Variants in GSDMD observed in about 807,000 individuals in gnomAD.
GSDMD encodes the protein gasdermin-D.
In GSDMD, 46 loss-of-function variants were observed where a neutral mutation model predicts 46.7. The observed-to-expected ratio is 0.99, with a 90% CI of 0.78 to 1.26. The LOEUF is 1.26. Among genes scored for constraint, GSDMD ranks in the 50% most tolerant of loss-of-function variants. The pLI, the probability that GSDMD is intolerant of heterozygous loss-of-function variation, is 0.00. For synonymous variants in GSDMD, 307 were observed against 283.1 expected (o/e 1.08, Z -0.85); for missense variants, 649 against 638.8 (o/e 1.02, Z -0.17).
chr8:143,561,415 C>T lies in GSDMD; in HGVS notation c.728C>T (p.Pro243Leu), dbSNP rs760041290. Reference sequence around the variant, plus strand: ...AAGAAGCAGAGGACCTTCCAGCCACCCGCGACAGGTGAGAGCCGAGAGCCC... The same window carrying T: ...AAGAAGCAGAGGACCTTCCAGCCACTCGCGACAGGTGAGAGCCGAGAGCCC... ...PDKKQRTFQPPATGHKRSTSE... is the reference protein window; with the variant it reads ...PDKKQRTFQPLATGHKRSTSE... Residue 243 changes from proline to leucine, a missense_variant, in exon 6 of 11, where the codon CCC becomes CTC. By Grantham distance (98) the Pro-to-Leu change is moderately conservative. Transcript: ENST00000262580. 4.3e-6 allele frequency: 7 copies of T among 1,611,164 alleles called. No homozygotes were observed. The South Asian group carries it at 7.7e-5, about 18-fold the overall frequency.
Position 143,560,692 on chromosome 8 carries a change from A to C in GSDMD, c.500A>C (p.Gln167Pro). The change falls in exon 4 of 11, where the codon CAG (glutamine) becomes CCG (proline). Residue 167 changes from glutamine (Q) to proline (P), a missense_variant. Coordinates refer to ENST00000262580, the MANE Select transcript of GSDMD (RefSeq NM_024736.7). ...GTGGTGACTGAGGTGCTGCAGACACAGAAGGAGGTGGAAGTCACGCGCACC... is the reference window on the plus strand; with the variant it reads ...GTGGTGACTGAGGTGCTGCAGACACCGAAGGAGGTGGAAGTCACGCGCACC... The part of the protein sequence containing the change: ...VYVVTEVLQT[Q>P]KEVEVTRTHK... 6.3e-7 allele frequency: 1 copy of C among 1,585,478 alleles called. No homozygotes were observed. The highest frequency in any genetic ancestry group is 8.6e-7 in the Non-Finnish European group (1 of 1,166,002).
upstream of GSDMD, among the ~76,000 whole-genome samples, chr8:143,557,138 A>AGTCTGTGTCGCCC (rs1275726859): frequency 6.6e-6 from 1 of 152,224 alleles, no homozygotes; most frequent in Non-Finnish European, 1.5e-5. Flanking sequence ...GATGTCTCCA[A>AGTCTGTGTCGCCC]GTCTGTGTCG....
Position 143,561,060 on chromosome 8 carries a change from C to T in GSDMD, c.638C>T (p.Thr213Ile), listed in dbSNP as rs764022893. Reference sequence around the variant, plus strand: ...ACGGTCACCATCCCCTCAGGCAGCACCCTCGCATTCCGGGTGGCCCAGCTG... The same window carrying T: ...ACGGTCACCATCCCCTCAGGCAGCATCCTCGCATTCCGGGTGGCCCAGCTG... ...KKTVTIPSGS[T>I]LAFRVAQLVI... is the part of the protein sequence containing the mutation. Residue 213 changes from threonine to isoleucine, a missense_variant, in exon 5 of 11, where the codon ACC becomes ATC. By Grantham distance (89) the Thr-to-Ile change is moderately conservative (BLOSUM62 -1). Transcript: ENST00000262580. The T allele has an allele frequency of 6.2e-7, 1 of 1,613,222 alleles. No homozygotes were observed. The highest frequency in any genetic ancestry group is 8.5e-7 in the Non-Finnish European group (1 of 1,179,980).
chr8:143,559,564 G>A lies in GSDMD; in HGVS notation c.217+12G>A. The A allele has an allele frequency of 1.2e-6, 2 of 1,609,590 alleles. No homozygotes were observed. Among genetic ancestry groups the A allele is most frequent in the South Asian group, 1.1e-5 (1 of 90,780 alleles). The stretch of plus-strand genomic sequence containing the variant: ...TGCCGCGGAACCAGGTGCCTGATGT[G>A]GTGCTGAGGCAGAGCCCCAGGGAGG... On this transcript the variant is annotated intron_variant, in intron 2 of 10. Coordinates refer to ENST00000262580, the MANE Select transcript of GSDMD (RefSeq NM_024736.7).
rs568540349 is a variant in GSDMD, at chr8:143,561,815, C to G, written c.810C>G (p.His270Gln). Residue 270 changes from histidine to glutamine, a missense_variant, in exon 7 of 11, where the codon CAC becomes CAG. By Grantham distance (24) the His-to-Gln change is conservative. Transcript: ENST00000262580. ...GCCTCTCCATGATGAGGTGCCTCCA[C>G]AACTTCCTGACAGGTCAGTGCCCTC... The part of the protein sequence containing the change: ...PSGLSMMRCL[H>Q]NFLTDGVPAE... The G allele has an allele frequency of 6.2e-7, 1 of 1,610,958 alleles. No homozygotes were observed. Among genetic ancestry groups the G allele is most frequent in the East Asian group, 2.2e-5 (1 of 44,756 alleles).
intron 10 of GSDMD, 60 bp from the exon 11 acceptor site, chr8:143,562,602 T>C: frequency 6.3e-7 from 1 of 1,596,682 alleles, no homozygotes; most frequent in Non-Finnish European, 8.5e-7. Flanking sequence ...AGGGGTGGTA[T>C]GGGCAGGCAC....
intron 6 of GSDMD, 48 bp downstream of exon 6, chr8:143,561,471 A>G (rs1410392422): frequency 6.4e-7 from 1 of 1,570,328 alleles, no homozygotes; most frequent in Middle Eastern, 1.7e-4. Flanking sequence ...GGAAAAGCAC[A>G]CTCCCTGGGC....
upstream of GSDMD, chr8:143,558,317 G>A (rs1386057082): frequency 6.6e-7 from 1 of 1,520,390 alleles, no homozygotes; most frequent in South Asian, 1.2e-5. Flanking sequence ...GTTCCGGGAG[G>A]GCGTCCTGGG....
In GSDMD at chr8:143,562,256, A is replaced by G. The variant is rs1402472727; in HGVS notation, c.1044A>G (p.Pro348=). 10 of 1,560,474 alleles carry G rather than the reference A, an allele frequency of 6.4e-6. No individual in the cohort carries two copies. The highest frequency in any genetic ancestry group is 7.8e-6 in the Non-Finnish European group (9 of 1,154,368). Residue 348 remains proline, a synonymous_variant, in exon 9 of 11, where the codon CCA becomes CCG. Transcript: ENST00000262580. ...GGCCGGTGGAGCCCCTGGACGGTCC[A>G]GCAGGTGCTGTCCTGGAGTGCCTGG... is the stretch of plus-strand genomic sequence containing the variant. The part of the protein sequence containing the change: ...SLGPVEPLDG[P]AGAVLECLVL...
chr8:143,559,618 C>A, intron 2 of GSDMD, 66 bp downstream of exon 2: 3 of 1,510,628 alleles, frequency 2.0e-6, no homozygotes, highest in Non-Finnish European at 2.7e-6. Context: ...CGGGCTGGGG[C>A]CAACCATCCA....
chr8:143,561,534 C>G, intron 6 of GSDMD, 111 bp downstream of exon 6: 1 of 1,163,008 alleles, frequency 8.6e-7, no homozygotes, highest in East Asian at 2.5e-5. Context: ...GGGCAGCCCC[C>G]TGAGGCGGTG....
rs1458602522 is a variant in GSDMD at position 143,560,026 on chromosome 8, T to C, written c.410+57T>C. 6.2e-6 allele frequency: 8 copies of C among 1,284,902 alleles called. No homozygotes were observed. The East Asian group carries it at 2.0e-4, about 32-fold the overall frequency. The allele number at this position is 1,284,902 out of a possible 1,614,324, so 79.6% of individuals were successfully genotyped here. On this transcript the variant is annotated intron_variant, in intron 3 of 10. Transcript: ENST00000262580. ...CCCCACCTACCCCAAGCAACCCTGCTTTTATTTATTTATTTATTTAAATTA... is the reference window on the plus strand; with the variant it reads ...CCCCACCTACCCCAAGCAACCCTGCCTTTATTTATTTATTTATTTAAATTA...
chr8:143,562,782 T>C lies in GSDMD; in HGVS notation c.1333T>C (p.Cys445Arg), dbSNP rs1823499451. The C allele has an allele frequency of 1.9e-6, 3 of 1,594,978 alleles. No homozygotes were observed. In the South Asian group the frequency reaches 3.4e-5, roughly 18 times the overall value. Residue 445 changes from cysteine to arginine, a missense_variant, in exon 11 of 11, where the codon TGT (cysteine) becomes CGT (arginine). Transcript: ENST00000262580. ...ACCGGCCTGGGTCTTGCTGGACGAG[T>C]GTGGCCTAGAGCTGGGGGAGGACAC... Reference protein sequence around the residue: ...GAPAWVLLDECGLELGEDTPH... With the variant: ...GAPAWVLLDERGLELGEDTPH...
chr8:143,563,043 A>C lies in GSDMD; in HGVS notation c.*139A>C. On this transcript the variant is annotated 3_prime_UTR_variant, in exon 11 of 11. Transcript: ENST00000262580. ...GCCCAGGAGTTGGGGAAACACAATA[A>C]AGGTGGCATACGAAGGAAAGGCTGG... is the stretch of plus-strand genomic sequence containing the variant. 1.9e-6 allele frequency: 2 copies of C among 1,034,090 alleles called. No homozygotes were observed. Among genetic ancestry groups the C allele is most frequent in the Non-Finnish European group, 2.7e-6 (2 of 730,790 alleles). 64.1% of individuals were successfully genotyped at this position (1,034,090 alleles called of 1,614,324 possible). A position where few individuals can be genotyped will look rare whatever the true frequency, so the allele number is the denominator to read the frequency against.
rs1396928105 is a variant in GSDMD, at chr8:143,559,700, T to C, written c.218-77T>C. The C allele has an allele frequency of 3.4e-6, 5 of 1,451,746 alleles. No homozygotes were observed. The East Asian group carries it at 9.5e-5, about 28-fold the overall frequency. The allele number at this position is 1,451,746 out of a possible 1,614,324, so 89.9% of individuals were successfully genotyped here. On this transcript the variant is annotated intron_variant, in intron 2 of 10. Transcript: ENST00000262580. Reference sequence around the variant, plus strand: ...GGCCTTTCCAAAGGTCCCTCTGCCCTGGGGCTGGGACAGGGCTGGTGGGGG... The same window carrying C: ...GGCCTTTCCAAAGGTCCCTCTGCCCCGGGGCTGGGACAGGGCTGGTGGGGG...
rs1823391036 is a variant in GSDMD at position 143,559,322 on chromosome 8, CCCT to C, written c.-4-5_-4-3del. 3 of 1,185,156 alleles carry C rather than the reference CCCT, an allele frequency of 2.5e-6. No homozygotes were observed. The Admixed American group carries it at 5.9e-5, about 23-fold the overall frequency. 73.4% of individuals were successfully genotyped at this position (1,185,156 alleles called of 1,614,324 possible). On this transcript the variant is annotated splice_polypyrimidine_tract_variant and splice_region_variant and intron_variant, in intron 1 of 10. Coordinates refer to ENST00000262580, the MANE Select transcript of GSDMD (RefSeq NM_024736.7). Reference sequence around the variant, plus strand: ...GAGAGCACAATGCCTGACCCATTTCCCCTCCTCAGGAGCATGGGGTCGGCCTTT... The same window carrying C: ...GAGAGCACAATGCCTGACCCATTTCCCCTCAGGAGCATGGGGTCGGCCTTT...
chr8:143,555,995 C>T (rs969347898), upstream of GSDMD: 3 of 152,244 alleles, frequency 2.0e-5, no homozygotes, highest in African/African-American at 7.2e-5. Flanking sequence ...GGGTGGATAG[C>T]AAGGTCAAGA....
intron 1 of GSDMD, 151 bp downstream of exon 1, chr8:143,558,602 G>A (rs964983566): frequency 1.1e-4 from 88 of 798,090 alleles, no homozygotes; most frequent in East Asian, 1.1e-3. Context: ...TCCAGGCTTC[G>A]GGAAAGGCTG....
chr8:143,561,330 G>T (rs766017133), intron 5 of GSDMD, 40 bp from the exon 6 acceptor site: 6 of 1,570,184 alleles, frequency 3.8e-6, no homozygotes, highest in Non-Finnish European at 5.2e-6. Flanking sequence ...TGGGATCTAG[G>T]TGACATGCCT....
Sources: allele counts gnomAD v4.1 joint callset (sites outside exome capture counted in the v4.1 genomes callset), GRCh38; gene constraint gnomAD v4.1.1; transcripts MANE v1.5; gene names NCBI Gene and HGNC (gene_info 2026-07-23, HGNC 2026-07-21).